Variants in SGK1 observed in about 807,000 individuals in gnomAD.
The protein encoded by SGK1 is serum/glucocorticoid regulated kinase 1, also known as serine/threonine-protein kinase Sgk1.
Under a neutral mutation model 64.2 loss-of-function variants are expected in SGK1, and 26 were observed. The ratio of observed to expected loss-of-function variants is 0.40; its 90% CI spans 0.30 to 0.56. SGK1 has a LOEUF of 0.56. SGK1 is among the 20% of genes least tolerant of loss of function. The probability of loss-of-function intolerance (pLI) is 0.38; values close to 1 mark genes in which losing one functional copy is unlikely to be tolerated. For synonymous variants in SGK1, 265 were observed against 239.7 expected (o/e 1.11, Z -0.98); for missense variants, 519 against 645.6 (o/e 0.80, Z 2.12).
intron 1 of SGK1, among the ~76,000 whole-genome samples, chr6:134,265,214 C>T (rs1776831950): frequency 6.6e-6 from 1 of 152,082 alleles, no homozygotes. Flanking sequence ...AATCCCAGCA[C>T]TTTGGGAGGT....
intron 1 of SGK1, among the ~76,000 whole-genome samples, chr6:134,294,057 G>A (rs1319825909): frequency 6.6e-6 from 1 of 152,196 alleles, no homozygotes; most frequent in African/African-American, 2.4e-5. Flanking sequence ...TTCTGAACAT[G>A]TGGCTGTGCA....
At chr6:134,272,193 T>A (rs546673629) in intron 1 of SGK1, among the ~76,000 whole-genome samples, 1 of 140,488 alleles carries the variant, frequency 7.1e-6, no homozygotes, top group Admixed American at 7.6e-5. Context: ...CAGGCTGGAG[T>A]GCAGTAGTAT....
chr6:134,183,514 A>G (rs1282514784), intron 3 of SGK1, among the ~76,000 whole-genome samples: 2 of 152,228 alleles, frequency 1.3e-5, no homozygotes, highest in Non-Finnish European at 2.9e-5. Context: ...TGCTGTACTC[A>G]GGGAGGGTGT....
chr6:134,253,783 A>G (rs527635444), intron 2 of SGK1, among the ~76,000 whole-genome samples: 4 of 152,290 alleles, frequency 2.6e-5, no homozygotes, highest in African/African-American at 9.6e-5. Context: ...CTCAGTGTTA[A>G]TTCTTCTGTT....
At chr6:134,297,206 T>A in intron 1 of SGK1, 1 of 849,352 alleles carries the variant, frequency 1.2e-6, no homozygotes, top group Non-Finnish European at 1.9e-6. Flanking sequence ...TCACATTCTG[T>A]ATCCCAGACT....
At position 134,173,085 on chromosome 6, in the gene SGK1, G is replaced by T; in HGVS notation, c.772C>A (p.His258Asn). 1 of 1,614,038 alleles carries T rather than the reference G, an allele frequency of 6.2e-7. No individual in the cohort carries two copies. The highest frequency in any genetic ancestry group is 8.5e-7 in the Non-Finnish European group (1 of 1,179,904). ...TTGTCAGCAGTCTGGAAAGAGAAGT[G>T]AAGGCCCACCAGGAAAGGGTGCTTC... The part of the protein sequence containing the change: ...NVKHPFLVGL[H>N]FSFQTADKLY... Residue 258 changes from histidine (H) to asparagine (N), a missense_variant, in exon 8 of 14, where the codon CAC (histidine) becomes AAC (asparagine). Transcript: ENST00000367858.
In SGK1 at chr6:134,171,038, C is replaced by T; in HGVS notation, c.1308G>A (p.Gly436=). The change falls in exon 12 of 14, where the codon GGG becomes GGA. Residue 436 remains glycine, a synonymous_variant. Coordinates refer to ENST00000367858, the MANE Select transcript of SGK1 (RefSeq NM_001143676.3). ...CATCACTCACGAAGTCATCCTTGGC[C>T]CCGAGCCGCTTTGTCCTGTCCTTCT... The part of the protein sequence containing the change: ...LLQKDRTKRL[G]AKDDFMEIKS... 6.2e-7 allele frequency: 1 copy of T among 1,614,044 alleles called. No homozygotes were observed. Among genetic ancestry groups the T allele is most frequent in the Non-Finnish European group, 8.5e-7 (1 of 1,179,992 alleles).
At chr6:134,186,377 A>G (rs887755742) in intron 3 of SGK1, among the ~76,000 whole-genome samples, 2 of 152,240 alleles carry the variant, frequency 1.3e-5, no homozygotes, top group African/African-American at 2.4e-5. Flanking sequence ...ATACTGACAT[A>G]AAGTCAATAA....
chr6:134,308,402 C>T (rs1777565853), intron 1 of SGK1, among the ~76,000 whole-genome samples: 1 of 152,090 alleles, frequency 6.6e-6, no homozygotes, highest in South Asian at 2.1e-4. Flanking sequence ...TTTCTTTTTT[C>T]ACCTTGCTAT....
chr6:134,182,638 G>T (rs1312605940), intron 3 of SGK1, among the ~76,000 whole-genome samples: 3 of 152,132 alleles, frequency 2.0e-5, no homozygotes, highest in African/African-American at 7.2e-5. Context: ...CAGTGCAAAG[G>T]GTTCCAACAA....
At chr6:134,228,875 G>A (rs966090767) in intron 2 of SGK1, among the ~76,000 whole-genome samples, 1 of 134,890 alleles carries the variant, frequency 7.4e-6, no homozygotes, top group Non-Finnish European at 1.5e-5. Context: ...ACGGAGTCTC[G>A]CTCTTTCACC....
In SGK1 at chr6:134,191,835, A is replaced by ATTTTTTT. The variant is rs71003671; in HGVS notation, c.361+15514_361+15520dup. On this transcript the variant is annotated intron_variant, in intron 3 of 13. Coordinates refer to ENST00000367858, the MANE Select transcript of SGK1 (RefSeq NM_001143676.3). Reference sequence around the variant, plus strand: ...AGGCATGCGCCACCACGCCCGGCTGATTTTTTTTTTTTTTTTTTGAGACAG... The same window carrying ATTTTTTT: ...AGGCATGCGCCACCACGCCCGGCTGATTTTTTTTTTTTTTTTTTTTTTTTTGAGACAG... 4.2e-4 allele frequency among the ~76,000 whole-genome samples: 26 copies of ATTTTTTT among 61,204 alleles called. 5 individuals carry two copies. The highest frequency in any genetic ancestry group is 5.2e-4 in the Non-Finnish European group (18 of 34,730). The allele number at this position is 61,204 out of a possible 152,430, so 40.2% of individuals were successfully genotyped here.
intron 2 of SGK1, among the ~76,000 whole-genome samples, chr6:134,225,876 C>T (rs940960382): frequency 2.0e-5 from 3 of 151,362 alleles, no homozygotes; most frequent in African/African-American, 7.3e-5. Flanking sequence ...AGTTTGAGAC[C>T]AGGCTGGGCA....
chr6:134,236,663 A>G (rs894217780), intron 2 of SGK1, among the ~76,000 whole-genome samples: 12 of 152,094 alleles, frequency 7.9e-5, no homozygotes, highest in African/African-American at 2.7e-4. Flanking sequence ...TTAAACACAC[A>G]CACACACAGA....
chr6:134,317,217 T>G (rs546085631), intron 1 of SGK1, among the ~76,000 whole-genome samples, 175 bp downstream of exon 1: 1 of 151,220 alleles, frequency 6.6e-6, no homozygotes, highest in African/African-American at 2.4e-5. Flanking sequence ...CCCCTGCCCC[T>G]CCTCCAACAA....
At chr6:134,289,814 T>A (rs908021716) in intron 1 of SGK1, among the ~76,000 whole-genome samples, 11 of 152,034 alleles carry the variant, frequency 7.2e-5, no homozygotes, top group African/African-American at 2.2e-4. Context: ...AAGACCAGCC[T>A]GGGCGACACA....
Position 134,172,654 on chromosome 6 carries a change from A to G in SGK1, c.947+8T>C, listed in dbSNP as rs758243184. On this transcript the variant is annotated splice_region_variant and intron_variant, in intron 9 of 13. Coordinates refer to ENST00000367858, the MANE Select transcript of SGK1 (RefSeq NM_001143676.3). ...AAAACTGGTAGCCTGAAGAGCTCTC[A>G]GGCTTACCTATAAACGATGTTCAGT... The G allele has an allele frequency of 1.3e-6, 2 of 1,571,788 alleles. No individual in the cohort carries two copies. The highest frequency in any genetic ancestry group is 4.5e-5 in the East Asian group (2 of 44,672).
intron 3 of SGK1, among the ~76,000 whole-genome samples, chr6:134,180,648 G>A (rs1368236180): frequency 2.0e-5 from 3 of 152,040 alleles, no homozygotes; most frequent in Non-Finnish European, 4.4e-5. Flanking sequence ...TGAAGCAGGA[G>A]GATCACTTGA....
At chr6:134,175,603 C>A in intron 3 of SGK1, 1 of 1,549,068 alleles carries the variant, frequency 6.5e-7, no homozygotes, top group Non-Finnish European at 8.7e-7. Context: ...CTTTTTGTGG[C>A]GGGGCCGCAG....
Sources: allele counts gnomAD v4.1 joint callset (sites outside exome capture counted in the v4.1 genomes callset), GRCh38; gene constraint gnomAD v4.1.1; transcripts MANE v1.5; gene names NCBI Gene and HGNC (gene_info 2026-07-23, HGNC 2026-07-21).